The following BCAS3 variants were observed in gnomAD, a reference collection of about 807,000 sequenced individuals.
BCAS3 encodes BCAS3 microtubule associated cell migration factor, also known as BCAS4/BCAS3 fusion.
Under a neutral mutation model 116.1 loss-of-function variants are expected in BCAS3, and 53 were observed. The observed-to-expected ratio is 0.46, with a 90% confidence interval of 0.37 to 0.57. BCAS3 has a LOEUF of 0.57. Ranked by LOEUF, BCAS3 falls within the 20% of genes least tolerant of loss-of-function variation. BCAS3 has a pLI of 0.00. For synonymous variants in BCAS3, 391 were observed against 408.2 expected, an observed-to-expected ratio of 0.96 and a Z score of 0.51; for missense variants, 917 against 1,165.4, an observed-to-expected ratio of 0.79 and a Z score of 3.10.
intron 19 of BCAS3, among the ~76,000 whole-genome samples, chr17:61,060,153 G>T (rs2069840209): frequency 1.3e-5 from 2 of 151,892 alleles, no homozygotes; most frequent in African/African-American, 2.4e-5. Flanking sequence ...TTGAGACAGA[G>T]TCTTGCTCTG....
chr17:61,383,927 C>A (rs1219454982), intron 23 of BCAS3: 1 of 144,716 alleles, frequency 6.9e-6, no homozygotes, highest in Non-Finnish European at 1.5e-5. Context: ...CTCGGGGAGA[C>A]CCCTTCCTGG....
At chr17:60,808,304 A>G (rs891681894) in intron 7 of BCAS3, among the ~76,000 whole-genome samples, 1 of 152,166 alleles carries the variant, frequency 6.6e-6, no homozygotes, top group Non-Finnish European at 1.5e-5. Flanking sequence ...TTTCTTTTTT[A>G]TTTATTACCA....
At chr17:61,297,758 G>T (rs572731660) in intron 22 of BCAS3, among the ~76,000 whole-genome samples, 2 of 152,274 alleles carry the variant, frequency 1.3e-5, no homozygotes, top group South Asian at 2.1e-4. Flanking sequence ...ACAGGTGTTC[G>T]TGTTCACTGT....
At chr17:60,973,695 C>T (rs199904804) in intron 14 of BCAS3, among the ~76,000 whole-genome samples, 6 of 151,328 alleles carry the variant, frequency 4.0e-5, no homozygotes, top group Non-Finnish European at 8.8e-5. Flanking sequence ...CAGGTTCAAG[C>T]GATTCTCCTG....
Position 61,095,844 on chromosome 17 carries a change from TACACACACACAC to T in BCAS3, c.2425+11298_2425+11309del, listed in dbSNP as rs10671633. 7.5e-5 allele frequency among the ~76,000 whole-genome samples: 11 copies of T among 146,348 alleles called. No homozygotes were observed. Among genetic ancestry groups the T allele is most frequent in the Admixed American group, 4.8e-4 (7 of 14,546 alleles). On this transcript the variant is annotated intron_variant, in intron 22 of 23. Coordinates refer to ENST00000407086, the MANE Select transcript of BCAS3 (RefSeq NM_017679.5). The surrounding 1 kb of genome is among the most constrained non-coding windows in gnomAD (Gnocchi z 4.7). ...AAAACCACTGGTATGCATATTCTCG[TACACACACACAC>T]ACACACACACACACACATTAAATTA...
chr17:60,900,335 G>A (rs1452125620), intron 10 of BCAS3: 1 of 152,244 alleles, frequency 6.6e-6, no homozygotes, highest in Non-Finnish European at 1.5e-5. Flanking sequence ...CCTATGTTAA[G>A]TTTCAGGGCC....
At chr17:60,871,843 C>T (rs1026001414) in intron 8 of BCAS3, among the ~76,000 whole-genome samples, 1 of 151,448 alleles carries the variant, frequency 6.6e-6, no homozygotes, top group Admixed American at 6.6e-5. Context: ...CTTATTATGC[C>T]TTGTCTGTTT....
rs1013279710 is a variant in BCAS3, at chr17:61,323,176, G to T, written c.2426-45151G>T. Among the ~76,000 whole-genome samples the T allele has an allele frequency of 6.6e-6, 1 of 152,166 alleles. No homozygotes were observed. The highest frequency in any genetic ancestry group is 1.5e-5 in the Non-Finnish European group (1 of 68,036). ...CATCTTTTAGGCAGCTGATGACCAC[G>T]GGCCAGATTGTTCATTTCACAAAGG... On this transcript the variant is annotated intron_variant, in intron 22 of 23. Coordinates refer to ENST00000407086, the MANE Select transcript of BCAS3 (RefSeq NM_017679.5). This position sits in a 1 kb window ranked among gnomAD's most constrained non-coding sequence, Gnocchi z 4.6.
intron 5 of BCAS3, among the ~76,000 whole-genome samples, chr17:60,740,495 T>A: frequency 1.6e-5 from 2 of 124,338 alleles, no homozygotes. Flanking sequence ...TGAGACCCTG[T>A]CTCAAAAAAA....
Position 61,380,301 on chromosome 17 carries a change from G to A in BCAS3, c.2594-11676G>A, listed in dbSNP as rs2143612287. On this transcript the variant is annotated intron_variant, in intron 23 of 23. Transcript: ENST00000407086. This position sits in a 1 kb window ranked among gnomAD's most constrained non-coding sequence, Gnocchi z 4.2. ...GCTGGACTGGGGAGGAGGGAGAGAG[G>A]GAAGGATGATACCAGTTTAGGCTAG... The A allele has an allele frequency of 1.7e-6, 1 of 592,774 alleles. No homozygotes were observed. The highest frequency in any genetic ancestry group is 2.8e-5 in the Admixed American group (1 of 36,098). The allele number at this position is 592,774 out of a possible 1,614,324, so 36.7% of individuals were successfully genotyped here. A position where few individuals can be genotyped will look rare whatever the true frequency, so the allele number is the denominator to read the frequency against.
At position 61,367,567 on chromosome 17, in the gene BCAS3, T is replaced by C. The variant is rs1281681020; in HGVS notation, c.2426-760T>C. The C allele has an allele frequency of 6.6e-6, 1 of 152,194 alleles. No homozygotes were observed. Among genetic ancestry groups the C allele is most frequent in the African/African-American group, 2.4e-5 (1 of 41,454 alleles). 9.4% of individuals were successfully genotyped at this position (152,194 alleles called of 1,614,324 possible). A position where few individuals can be genotyped will look rare whatever the true frequency, so the allele number is the denominator to read the frequency against. On this transcript the variant is annotated intron_variant, in intron 22 of 23. Coordinates refer to ENST00000407086, the MANE Select transcript of BCAS3 (RefSeq NM_017679.5). The surrounding 1 kb of genome is among the most constrained non-coding windows in gnomAD (Gnocchi z 6.2). Reference sequence around the variant, plus strand: ...CCCAAAGTAATTCCCTGGTTGTTCATATGCCCTTGGGTAGCTGGGAGACCA... The same window carrying C: ...CCCAAAGTAATTCCCTGGTTGTTCACATGCCCTTGGGTAGCTGGGAGACCA...
chr17:60,717,240 G>C (rs1234259399), intron 5 of BCAS3, among the ~76,000 whole-genome samples: 1 of 146,402 alleles, frequency 6.8e-6, no homozygotes, highest in Non-Finnish European at 1.5e-5. Context: ...TTGTGAGACA[G>C]AGTCTCTCTG....
rs1016286438 is a variant in BCAS3, at chr17:61,089,829, A to G, written c.2425+5265A>G. Among the ~76,000 whole-genome samples the G allele has an allele frequency of 2.7e-5, 4 of 150,782 alleles. No homozygotes were observed. The East Asian group carries it at 5.9e-4, about 22-fold the overall frequency. On this transcript the variant is annotated intron_variant, in intron 22 of 23. Coordinates refer to ENST00000407086, the MANE Select transcript of BCAS3 (RefSeq NM_017679.5). ...TTACAGGCATGAACCACCGCGCCCA[A>G]CCTGGGGGAAGAGTATTCTAAGATT...
At chr17:60,772,082 G>T (rs565248989) in intron 6 of BCAS3, among the ~76,000 whole-genome samples, 1 of 152,152 alleles carries the variant, frequency 6.6e-6, no homozygotes, top group Non-Finnish European at 1.5e-5. Flanking sequence ...GTAATGGGAT[G>T]GCTGGGTCAA....
chr17:60,767,914 C>T (rs1212018253), intron 6 of BCAS3, among the ~76,000 whole-genome samples: 1 of 152,158 alleles, frequency 6.6e-6, no homozygotes, highest in Non-Finnish European at 1.5e-5. Context: ...GATCCTCCTA[C>T]CTCAGCCTTC....
chr17:61,257,205 A>G (rs1231106487), intron 22 of BCAS3, among the ~76,000 whole-genome samples: 1 of 152,048 alleles, frequency 6.6e-6, no homozygotes, highest in Non-Finnish European at 1.5e-5. Context: ...GCAGATCACG[A>G]GGTCAGGAGT....
At chr17:60,747,341 A>G (rs1341358156) in intron 6 of BCAS3, 62 bp downstream of exon 6, 12 of 1,344,998 alleles carry the variant, frequency 8.9e-6, no homozygotes, top group Admixed American at 1.8e-5. Flanking sequence ...TTGGTCTTGG[A>G]CTACAGGCAG....
At chr17:61,336,044 G>A (rs572685722) in intron 22 of BCAS3, among the ~76,000 whole-genome samples, 9 of 152,360 alleles carry the variant, frequency 5.9e-5, no homozygotes, top group South Asian at 2.1e-4. Context: ...AGGGCGTGTC[G>A]GCTTTCCTTT....
chr17:60,942,721 A>C (rs1567926625), intron 13 of BCAS3, among the ~76,000 whole-genome samples: 3 of 152,168 alleles, frequency 2.0e-5, no homozygotes. Context: ...AGCAAACTCA[A>C]ATTTACTTCA....
Sources: gnomAD v4.1 joint callset for allele counts (sites outside exome capture counted in the v4.1 genomes callset) on GRCh38, gnomAD v4.1.1 for gene constraint, Gnocchi (gnomAD v3.1) non-coding constraint, MANE v1.5 for transcripts, NCBI Gene and HGNC (gene_info 2026-07-23, HGNC 2026-07-21) for gene names.